The following TRPM1 variants were observed in gnomAD, a reference collection of about 807,000 sequenced individuals.
TRPM1 encodes transient receptor potential cation channel subfamily M member 1, also known as TRPM1-203 APA Isoform, Intron 10.
A neutral mutation model predicts 149.4 loss-of-function variants in TRPM1; 113 were observed. That is an observed-to-expected ratio of 0.76 (90% CI 0.65 to 0.88). TRPM1 has a LOEUF of 0.88. Among genes scored for constraint, TRPM1 ranks in the 40% least tolerant of loss-of-function variants. TRPM1 has a pLI of 0.00. For missense variants in TRPM1, 1,976 were observed against 2,038.7 expected (o/e 0.97, Z 0.59); for synonymous variants, 741 against 759.5 (o/e 0.98, Z 0.40).
chr15:31,156,304 C>T (rs2036376720), intron 1 of TRPM1, among the ~76,000 whole-genome samples: 1 of 150,474 alleles, frequency 6.6e-6, no homozygotes, highest in African/African-American at 2.4e-5. Flanking sequence ...GGAAAATTTG[C>T]AGCTGTAAAG....
intron 10 of TRPM1, 112 bp downstream of exon 10, chr15:31,061,330 G>T: frequency 9.5e-7 from 1 of 1,052,786 alleles, no homozygotes; most frequent in Non-Finnish European, 1.5e-6. Flanking sequence ...AAGTGGCCTG[G>T]CTGGCTCAGG....
rs760448861 is a variant in TRPM1 at position 31,038,099 on chromosome 15, G to C, written c.2384C>G (p.Ser795Trp). Residue 795 changes from serine (S) to tryptophan (W), a missense_variant, in exon 19 of 28, where the codon TCG becomes TGG. By Grantham distance (177) the Ser-to-Trp change is radical. Coordinates refer to ENST00000256552, the MANE Select transcript of TRPM1 (RefSeq NM_001252024.2). ...FLEFRTYDDF[S>W]YQTSKENEDG... ...CTCATTTTCCTTGGATGTTTGATAC[G>C]AGAAATCATCATATGTGCGAAATTC... 2 of 1,613,962 alleles carry C rather than the reference G, an allele frequency of 1.2e-6. No homozygotes were observed. The highest frequency in any genetic ancestry group is 1.7e-5 in the Admixed American group (1 of 60,018).
chr15:31,062,968 G>T, intron 8 of TRPM1, 150 bp downstream of exon 8: 1 of 1,141,402 alleles, frequency 8.8e-7, no homozygotes. Context: ...TCCCCTGGAT[G>T]CTGACCTGAG....
intron 1 of TRPM1, among the ~76,000 whole-genome samples, chr15:31,138,310 G>C (rs2036116917): frequency 6.6e-6 from 1 of 152,024 alleles, no homozygotes. Context: ...AGACTGATGG[G>C]CCTCCAAGGG....
At position 31,144,711 on chromosome 15, in the gene TRPM1, G is replaced by GTTTTTTTTTTTTTTTTTTTTTTTT. The variant is rs1567078292; in HGVS notation, c.54+16194_54+16195insAAAAAAAAAAAAAAAAAAAAAAAA. On this transcript the variant is annotated intron_variant, in intron 1 of 26. Transcript: ENST00000542188. Reference sequence around the variant, plus strand: ...CTGTGGCCCTTTTCATTGTTTTTGAGATTTTTTTTTTTTTTTTTTTTGAGA... The same window carrying GTTTTTTTTTTTTTTTTTTTTTTTT: ...CTGTGGCCCTTTTCATTGTTTTTGAGTTTTTTTTTTTTTTTTTTTTTTTTATTTTTTTTTTTTTTTTTTTTGAGA... 3.5e-5 allele frequency among the ~76,000 whole-genome samples: 5 copies of GTTTTTTTTTTTTTTTTTTTTTTTT among 142,932 alleles called. 2 individuals carry two copies. The highest frequency in any genetic ancestry group is 1.3e-4 in the African/African-American group (5 of 37,456). 93.8% of individuals were successfully genotyped at this position (142,932 alleles called of 152,430 possible). A position where few individuals can be genotyped will look rare whatever the true frequency, so the allele number is the denominator to read the frequency against.
intron 1 of TRPM1, among the ~76,000 whole-genome samples, chr15:31,093,469 G>A (rs1427552837): frequency 1.3e-5 from 2 of 152,044 alleles, no homozygotes; most frequent in Non-Finnish European, 2.9e-5. Flanking sequence ...AACCAAAGAG[G>A]TGAAGGCCTT....
chr15:31,028,457 T>G lies in TRPM1; in HGVS notation c.3168A>C (p.Leu1056=). Residue 1056 remains leucine, a synonymous_variant, in exon 25 of 28, where the codon CTA becomes CTC. Transcript: ENST00000256552. ...MEINPPCGEN[L]YDEEGKRLPP... ...GAAGCCGCTTGCCCTCCTCATCATA[T>G]AGGTTCTCACCACAAGGAGCTGAAA... 6.2e-7 allele frequency: 1 copy of G among 1,614,128 alleles called. No homozygotes were observed. Among genetic ancestry groups the G allele is most frequent in the Middle Eastern group, 1.7e-4 (1 of 6,000 alleles).
chr15:31,158,844 A>G (rs1218805227), intron 1 of TRPM1, among the ~76,000 whole-genome samples: 1 of 152,168 alleles, frequency 6.6e-6, no homozygotes, highest in Non-Finnish European at 1.5e-5. Context: ...TATCATCTTT[A>G]AAGCAAAATT....
intron 20 of TRPM1, among the ~76,000 whole-genome samples, chr15:31,036,900 C>T (rs541006133): frequency 2.6e-5 from 4 of 152,372 alleles, no homozygotes; most frequent in South Asian, 2.1e-4. Context: ...GCCCAGACCA[C>T]GGCCAGGGAC....
chr15:31,095,896 A>T (rs1302371581), intron 1 of TRPM1, among the ~76,000 whole-genome samples: 1 of 151,732 alleles, frequency 6.6e-6, no homozygotes, highest in Non-Finnish European at 1.5e-5. Flanking sequence ...ATACAAAAAA[A>T]TTAGCCAGGC....
intron 11 of TRPM1, among the ~76,000 whole-genome samples, chr15:31,055,453 G>A (rs1225870094): frequency 6.6e-6 from 1 of 152,170 alleles, no homozygotes; most frequent in Non-Finnish European, 1.5e-5. Flanking sequence ...CTCTTGAGGT[G>A]AGACCAGATT....
At chr15:31,145,651 C>T (rs768179818) in intron 1 of TRPM1, among the ~76,000 whole-genome samples, 4 of 152,054 alleles carry the variant, frequency 2.6e-5, no homozygotes, top group Non-Finnish European at 4.4e-5. Context: ...TATGTAACAA[C>T]GGAACAGGGA....
chr15:31,025,765 G>C (rs910960897), intron 27 of TRPM1, among the ~76,000 whole-genome samples: 1 of 152,190 alleles, frequency 6.6e-6, no homozygotes, highest in African/African-American at 2.4e-5. Context: ...CGGATGAGGA[G>C]GGCAGTCCCC....
At chr15:31,091,702 G>T (rs2035245383) in intron 1 of TRPM1, among the ~76,000 whole-genome samples, 1 of 152,170 alleles carries the variant, frequency 6.6e-6, no homozygotes, top group Non-Finnish European at 1.5e-5. Context: ...CTCTGGGGCT[G>T]TCCTGACCCA....
At chr15:31,113,554 T>C (rs1459358789) in intron 1 of TRPM1, among the ~76,000 whole-genome samples, 5 of 130,588 alleles carry the variant, frequency 3.8e-5, no homozygotes, top group Non-Finnish European at 4.7e-5. Context: ...TCCTAAAATG[T>C]TTTTTTTTAA....
intron 27 of TRPM1, 68 bp downstream of exon 27, chr15:31,026,071 C>T (rs1004348851): frequency 6.3e-6 from 10 of 1,599,820 alleles, no homozygotes; most frequent in Non-Finnish European, 8.5e-6. Flanking sequence ...TGGCATCCCC[C>T]ATAGAGTGGG....
chr15:31,024,011 T>A (rs2032636423), intron 27 of TRPM1, among the ~76,000 whole-genome samples: 1 of 152,156 alleles, frequency 6.6e-6, no homozygotes, highest in South Asian at 2.1e-4. Flanking sequence ...GAATGATTAA[T>A]GGGTACCCAT....
Position 31,002,381 on chromosome 15 carries a change from G to T in TRPM1, c.4319C>A (p.Thr1440Asn), listed in dbSNP as rs373763954. 7 of 1,614,170 alleles carry T rather than the reference G, an allele frequency of 4.3e-6. 1 individual carries two copies. Among genetic ancestry groups the T allele is most frequent in the Non-Finnish European group, 5.9e-6 (7 of 1,180,024 alleles). Residue 1440 changes from threonine (T) to asparagine (N), a missense_variant, in exon 28 of 28, where the codon ACC becomes AAC. Physicochemically the swap from Thr to Asn is moderately conservative, Grantham distance 65. Coordinates refer to ENST00000256552, the MANE Select transcript of TRPM1 (RefSeq NM_001252024.2). ...EGTISYPLEE[T>N]KITRYFPDET... ...ATCGGGGAAATAGCGTGTAATTTTG[G>T]TTTCTTCCAGGGGATAGGAAATAGT... is the stretch of plus-strand genomic sequence containing the variant.
At chr15:31,126,373 C>T (rs868562563) in intron 1 of TRPM1, among the ~76,000 whole-genome samples, 23 of 152,294 alleles carry the variant, frequency 1.5e-4, no homozygotes, top group Non-Finnish European at 2.4e-4. Context: ...GCGAAACTCC[C>T]GTGGGGATGT....
Sources: allele counts gnomAD v4.1 joint callset (sites outside exome capture counted in the v4.1 genomes callset), GRCh38; gene constraint gnomAD v4.1.1; transcripts MANE v1.5; gene names NCBI Gene and HGNC (gene_info 2026-07-23, HGNC 2026-07-21).